The following MARCHF1 variants were observed in gnomAD, a reference collection of about 807,000 sequenced individuals.
MARCHF1 encodes membrane associated ring-CH-type finger 1.
Under a neutral mutation model 54.2 loss-of-function variants are expected in MARCHF1, and 40 were observed. The observed-to-expected ratio is 0.74, with a 90% confidence interval of 0.57 to 0.96. The LOEUF (loss-of-function observed/expected upper bound fraction) is 0.96, where lower values mean the gene tolerates loss of function less well. MARCHF1 is among the 40% of genes least tolerant of loss of function. MARCHF1 has a pLI of 0.00. For missense variants in MARCHF1, 586 were observed against 656.5 expected (o/e 0.89, Z 1.17); for synonymous variants, 236 against 236.3 (o/e 1.00, Z 0.01).
At chr4:163,570,243 C>T (rs543111177) in intron 8 of MARCHF1, among the ~76,000 whole-genome samples, 12 of 152,064 alleles carry the variant, frequency 7.9e-5, no homozygotes, top group African/African-American at 2.9e-4. Flanking sequence ...TCTTGTTGGC[C>T]TTAAAGTGGA....
chr4:164,273,934 A>G (rs1733806122), intron 1 of MARCHF1, among the ~76,000 whole-genome samples: 1 of 152,128 alleles, frequency 6.6e-6, no homozygotes, highest in Non-Finnish European at 1.5e-5. Context: ...TTTGTAAGGA[A>G]TTAATAAATA....
intron 1 of MARCHF1, among the ~76,000 whole-genome samples, chr4:164,311,167 C>T (rs17614519): frequency 0.11 from 16,600 of 151,970 alleles, 1,481 homozygotes; most frequent in East Asian, 0.3. Context: ...TTTAGTTAAC[C>T]GTCCTCTATA....
chr4:164,089,438 A>T (rs1206222405), intron 2 of MARCHF1, among the ~76,000 whole-genome samples: 4 of 152,162 alleles, frequency 2.6e-5, no homozygotes, highest in Non-Finnish European at 1.5e-5. Flanking sequence ...CCCTCAAAAC[A>T]GAAACAAAAA....
intron 5 of MARCHF1, among the ~76,000 whole-genome samples, chr4:163,689,129 A>C (rs576502986): frequency 6.6e-6 from 1 of 152,290 alleles, no homozygotes; most frequent in South Asian, 2.1e-4. Context: ...ACATTACCAC[A>C]ATACCACAGT....
intron 1 of MARCHF1, among the ~76,000 whole-genome samples, chr4:164,238,448 C>A (rs1732631354): frequency 1.3e-5 from 2 of 152,078 alleles, no homozygotes. Flanking sequence ...AAGGAAAGAA[C>A]TGAGTCCTCC....
chr4:163,808,670 G>A (rs1748296925), intron 4 of MARCHF1, among the ~76,000 whole-genome samples: 1 of 152,084 alleles, frequency 6.6e-6, no homozygotes, highest in Middle Eastern at 3.2e-3. Flanking sequence ...CTGGGTTCAA[G>A]CCATTCTCCT....
chr4:163,884,401 C>T (rs904799108), intron 3 of MARCHF1, among the ~76,000 whole-genome samples: 1 of 152,020 alleles, frequency 6.6e-6, no homozygotes, highest in African/African-American at 2.4e-5. Flanking sequence ...CTATATTTGG[C>T]CATTTCTTTA....
intron 1 of MARCHF1, among the ~76,000 whole-genome samples, chr4:164,312,554 C>T (rs1284196008): frequency 6.6e-6 from 1 of 151,876 alleles, no homozygotes; most frequent in African/African-American, 2.4e-5. Flanking sequence ...GATCTCCTGA[C>T]CTCGTGATCT....
chr4:163,685,205 C>A (rs538514340), intron 5 of MARCHF1, among the ~76,000 whole-genome samples: 1 of 151,946 alleles, frequency 6.6e-6, no homozygotes, highest in Non-Finnish European at 1.5e-5. Flanking sequence ...GGTTTTATTA[C>A]ACTTTTTTTT....
In MARCHF1 at chr4:164,346,604, GTATATATATATA is replaced by G. The variant is rs56936775; in HGVS notation, c.-323+37254_-323+37265del. ...TGTCCTCAAACCTGTATGTATGTATGTATATATATATATATATATATATATATATATATATAT... is the reference window on the plus strand; with the variant it reads ...TGTCCTCAAACCTGTATGTATGTATGTATATATATATATATATATATATAT... On this transcript the variant is annotated intron_variant, in intron 1 of 9. Transcript: ENST00000514618. Among the ~76,000 whole-genome samples the G allele has an allele frequency of 2.2e-3, 93 of 42,542 alleles. 1 individual carries two copies. Among genetic ancestry groups the G allele is most frequent in the South Asian group, 4.8e-3 (5 of 1,038 alleles). 27.9% of individuals were successfully genotyped at this position (42,542 alleles called of 152,430 possible). A position where few individuals can be genotyped will look rare whatever the true frequency, so the allele number is the denominator to read the frequency against.
At chr4:163,548,597 G>A (rs767102506) in intron 8 of MARCHF1, among the ~76,000 whole-genome samples, 7 of 152,232 alleles carry the variant, frequency 4.6e-5, no homozygotes, top group Non-Finnish European at 2.9e-5. Context: ...AACCATCCAC[G>A]TTTTCCACTT....
intron 3 of MARCHF1, among the ~76,000 whole-genome samples, chr4:163,898,292 C>G (rs1182454961): frequency 6.6e-6 from 1 of 151,996 alleles, no homozygotes; most frequent in Non-Finnish European, 1.5e-5. Flanking sequence ...AATTATGCCT[C>G]TGACAAAGGA....
chr4:163,942,633 T>C (rs1244661445), intron 3 of MARCHF1, among the ~76,000 whole-genome samples: 1 of 152,194 alleles, frequency 6.6e-6, no homozygotes, highest in Non-Finnish European at 1.5e-5. Flanking sequence ...GATGGTAGAA[T>C]ATAGCATGAT....
chr4:164,154,320 T>G (rs781779570), intron 1 of MARCHF1, among the ~76,000 whole-genome samples: 9 of 152,104 alleles, frequency 5.9e-5, no homozygotes, highest in Non-Finnish European at 1.2e-4. Context: ...TGGAACAAAG[T>G]CTAAAAATCA....
intron 1 of MARCHF1, among the ~76,000 whole-genome samples, chr4:164,152,807 A>G (rs372220252): frequency 7.9e-5 from 12 of 152,080 alleles, no homozygotes; most frequent in East Asian, 5.8e-4. Flanking sequence ...CTTTCTATCA[A>G]TCCTAGGCCT....
intron 1 of MARCHF1, among the ~76,000 whole-genome samples, chr4:164,228,825 A>C (rs1732329558): frequency 6.6e-6 from 1 of 152,202 alleles, no homozygotes; most frequent in African/African-American, 2.4e-5. Context: ...CAGTGGACCA[A>C]ATCCTAGTCT....
chr4:164,127,994 G>C (rs1756221922), intron 1 of MARCHF1, among the ~76,000 whole-genome samples: 1 of 152,066 alleles, frequency 6.6e-6, no homozygotes, highest in South Asian at 2.1e-4. Flanking sequence ...GGATAGTACT[G>C]GCTCATGAAT....
chr4:163,761,098 G>C (rs908556998), intron 4 of MARCHF1, among the ~76,000 whole-genome samples: 2 of 152,118 alleles, frequency 1.3e-5, no homozygotes. Context: ...ACTTGTATTT[G>C]TGGGACAGTT....
intron 1 of MARCHF1, among the ~76,000 whole-genome samples, chr4:164,292,726 T>C (rs76124074): frequency 0.031 from 4,660 of 152,278 alleles, 191 homozygotes; most frequent in East Asian, 0.16. Flanking sequence ...ATAAAATAAG[T>C]GCATCTTACA....
Sources: allele counts gnomAD v4.1 joint callset (sites outside exome capture counted in the v4.1 genomes callset), GRCh38; gene constraint gnomAD v4.1.1; transcripts MANE v1.5; gene names NCBI Gene and HGNC (gene_info 2026-07-23, HGNC 2026-07-21).